TMEM63C: variants seen among roughly 807,000 people sequenced by gnomAD.
TMEM63C encodes transmembrane protein 63C.
TMEM63C carries 32 observed loss-of-function variants against 99.2 expected under a neutral mutation model. The observed-to-expected ratio is 0.32, with a 90% confidence interval of 0.24 to 0.43. The LOEUF (loss-of-function observed/expected upper bound fraction) is 0.43, where lower values mean the gene tolerates loss of function less well. Among genes scored for constraint, TMEM63C ranks in the 20% least tolerant of loss-of-function variants. The pLI is 1.00. For missense variants in TMEM63C, 826 were observed against 1,053.0 expected (o/e 0.78, Z 2.98); for synonymous variants, 376 against 397.9 (o/e 0.94, Z 0.66).
chr14:77,220,912 A>C (rs1012374101), intron 5 of TMEM63C, among the ~76,000 whole-genome samples: 3 of 18,294 alleles, frequency 1.6e-4, no homozygotes, highest in East Asian at 9.7e-4. Context: ...CCCGCCTCCC[A>C]CTCACGCCTC....
At chr14:77,238,849 G>A in intron 10 of TMEM63C, 82 bp downstream of exon 10, 1 of 1,128,024 alleles carries the variant, frequency 8.9e-7, no homozygotes, top group Non-Finnish European at 1.3e-6. Flanking sequence ...TAGTGAGTTG[G>A]TGCAGGATGG....
At chr14:77,224,520 T>A (rs1286381577) in intron 5 of TMEM63C, among the ~76,000 whole-genome samples, 1 of 152,072 alleles carries the variant, frequency 6.6e-6, no homozygotes, top group Admixed American at 6.5e-5. Flanking sequence ...CCAGAGTAAC[T>A]TCACCAGCTA....
chr14:77,223,618 T>C (rs1888763712), intron 5 of TMEM63C, among the ~76,000 whole-genome samples: 1 of 152,190 alleles, frequency 6.6e-6, no homozygotes, highest in South Asian at 2.1e-4. Context: ...AGCGATAATG[T>C]GTACTCAGGG....
rs1489177938 is a variant in TMEM63C at position 77,236,869 on chromosome 14, G to A, written c.651+137G>A. 4 of 648,626 alleles carry A rather than the reference G, an allele frequency of 6.2e-6. No individual in the cohort carries two copies. In the African/African-American group the frequency reaches 7.2e-5, roughly 12 times the overall value. The allele number at this position is 648,626 out of a possible 1,614,324, so 40.2% of individuals were successfully genotyped here. The stretch of plus-strand genomic sequence containing the variant: ...TAGATGGGAGGGGGCGGTTTCACCT[G>A]AGCAGGGGCCAAGCTTCCTCCCTTC... On this transcript the variant is annotated intron_variant, in intron 9 of 23. Coordinates refer to ENST00000298351, the MANE Select transcript of TMEM63C (RefSeq NM_020431.4).
chr14:77,243,135 G>GC, intron 15 of TMEM63C, 79 bp downstream of exon 15: 2 of 1,531,600 alleles, frequency 1.3e-6, no homozygotes, highest in Admixed American at 2.0e-5. Flanking sequence ...GATGGGGGGA[G>GC]CCCCCTGGGA....
At position 77,259,079 on chromosome 14, in the gene TMEM63C, C is replaced by G. The variant is rs1223196003; in HGVS notation, c.*2353C>G. On this transcript the variant is annotated 3_prime_UTR_variant, in exon 24 of 24. Coordinates refer to ENST00000298351, the MANE Select transcript of TMEM63C (RefSeq NM_020431.4). ...CCCCGCCACCACATCCAGGCCCTCT[C>G]AGGCACCTCCTGCCTCAGCCCACAC... 1 of 153,040 alleles carries G rather than the reference C, an allele frequency of 6.5e-6. No individual in the cohort carries two copies. The highest frequency in any genetic ancestry group is 1.9e-4 in the East Asian group (1 of 5,204). The allele number at this position is 153,040 out of a possible 1,614,324, so 9.5% of individuals were successfully genotyped here.
chr14:77,215,338 C>T (rs1023608587), intron 2 of TMEM63C, among the ~76,000 whole-genome samples: 8 of 152,036 alleles, frequency 5.3e-5, no homozygotes, highest in African/African-American at 1.7e-4. Context: ...TGGGGGCTCG[C>T]ACCTGTAATC....
chr14:77,202,740 G>A (rs1053560810), intron 1 of TMEM63C, among the ~76,000 whole-genome samples: 9 of 151,948 alleles, frequency 5.9e-5, no homozygotes, highest in Admixed American at 2.0e-4. Flanking sequence ...ATGCTTCCAC[G>A]TGGACATGCA....
intron 2 of TMEM63C, among the ~76,000 whole-genome samples, chr14:77,214,492 C>T (rs1240318355): frequency 1.3e-5 from 2 of 152,064 alleles, no homozygotes; most frequent in South Asian, 2.1e-4. Flanking sequence ...CCCTCCAACA[C>T]CACTGGCCTG....
chr14:77,193,470 C>A (rs1467820654), intron 1 of TMEM63C, among the ~76,000 whole-genome samples: 4 of 151,962 alleles, frequency 2.6e-5, no homozygotes. Context: ...CTAAGGCAGG[C>A]GCATCACCTG....
rs10220509 is a variant in TMEM63C, at chr14:77,234,481, C to G, written c.542+981C>G. Among the ~76,000 whole-genome samples the G allele has an allele frequency of 1.5e-3, 221 of 152,282 alleles. 1 individual carries two copies. Among genetic ancestry groups the G allele is most frequent in the African/African-American group, 5.1e-3 (211 of 41,556 alleles). On this transcript the variant is annotated intron_variant, in intron 8 of 23. Coordinates refer to ENST00000298351, the MANE Select transcript of TMEM63C (RefSeq NM_020431.4). ...CAACAAAAAGTGAATTCTAGTAGAACAGCAAAAAGCCATCAATCTCCATGA... is the reference window on the plus strand; with the variant it reads ...CAACAAAAAGTGAATTCTAGTAGAAGAGCAAAAAGCCATCAATCTCCATGA...
At chr14:77,231,510 C>G in intron 6 of TMEM63C, 78 bp from the exon 7 acceptor site, 42 of 1,493,018 alleles carry the variant, frequency 2.8e-5, no homozygotes, top group Non-Finnish European at 3.5e-5. Flanking sequence ...CATTTTCTGC[C>G]CTTCCCTCTA....
rs116946248 is a variant in TMEM63C at position 77,220,869 on chromosome 14, G to A, written c.312+782G>A. ...CTTCCTCACCTCTCACTCACGCCCC[G>A]CCTCCCACTCACGCCCCGCCTCCCA... On this transcript the variant is annotated intron_variant, in intron 5 of 23. Coordinates refer to ENST00000298351, the MANE Select transcript of TMEM63C (RefSeq NM_020431.4). Among the ~76,000 whole-genome samples, 17 of 50,758 alleles carry A rather than the reference G, an allele frequency of 3.3e-4. 2 individuals are homozygous for A. The highest frequency in any genetic ancestry group is 5.8e-4 in the Non-Finnish European group (13 of 22,506). 33.3% of individuals were successfully genotyped at this position (50,758 alleles called of 152,430 possible).
intron 1 of TMEM63C, among the ~76,000 whole-genome samples, chr14:77,206,091 G>A (rs1239360147): frequency 1.3e-5 from 2 of 152,122 alleles, no homozygotes; most frequent in African/African-American, 4.8e-5. Flanking sequence ...GCCCATTCAG[G>A]ACCCCGCCCC....
Position 77,193,992 on chromosome 14 carries a change from G to A in TMEM63C, c.-77+12098G>A, listed in dbSNP as rs117572807. 5.9e-3 allele frequency among the ~76,000 whole-genome samples: 902 copies of A among 152,216 alleles called. 5 individuals are homozygous for A. Among genetic ancestry groups the A allele is most frequent in the Non-Finnish European group, 0.01 (713 of 68,012 alleles). On this transcript the variant is annotated intron_variant, in intron 1 of 23. Transcript: ENST00000298351. The stretch of plus-strand genomic sequence containing the variant: ...TCCAGCCTGGGCAACAGAGTATGAC[G>A]CTGTCTCAAAACAAATAAACAAGAA...
chr14:77,220,320 G>A (rs1888668512), intron 5 of TMEM63C, among the ~76,000 whole-genome samples: 1 of 152,134 alleles, frequency 6.6e-6, no homozygotes, highest in Admixed American at 6.5e-5. Flanking sequence ...AAGTGTTAAC[G>A]AATTAAGATA....
chr14:77,242,142 C>T (rs1889187710), intron 13 of TMEM63C, among the ~76,000 whole-genome samples: 1 of 152,190 alleles, frequency 6.6e-6, no homozygotes, highest in African/African-American at 2.4e-5. Flanking sequence ...CCCTCAAATG[C>T]CCTTTCCTCC....
intron 1 of TMEM63C, among the ~76,000 whole-genome samples, chr14:77,207,424 G>A (rs914456718): frequency 6.6e-6 from 1 of 152,170 alleles, no homozygotes; most frequent in Non-Finnish European, 1.5e-5. Context: ...CTTTAGCTGA[G>A]AGTCCCTTAG....
At chr14:77,223,922 A>G (rs1258833236) in intron 5 of TMEM63C, among the ~76,000 whole-genome samples, 1 of 152,004 alleles carries the variant, frequency 6.6e-6, no homozygotes, top group African/African-American at 2.4e-5. Flanking sequence ...AGCCATGGAG[A>G]CAGACTCTTC....
Sources: allele counts gnomAD v4.1 joint callset (sites outside exome capture counted in the v4.1 genomes callset), GRCh38; gene constraint gnomAD v4.1.1; transcripts MANE v1.5; gene names NCBI Gene and HGNC (gene_info 2026-07-23, HGNC 2026-07-21).